CCDC88A: variants seen among roughly 807,000 people sequenced by gnomAD.
CCDC88A encodes the protein coiled-coil and HOOK domain protein 88A.
In CCDC88A, 54 loss-of-function variants were observed where a neutral mutation model predicts 234.3. The ratio of observed to expected loss-of-function variants is 0.23; its 90% CI spans 0.19 to 0.29. CCDC88A has a LOEUF of 0.29. CCDC88A is among the 10% of genes least tolerant of loss of function. The pLI is 1.00. For missense variants in CCDC88A, 1,832 were observed against 2,123.4 expected, an observed-to-expected ratio of 0.86 and a Z score of 2.70; for synonymous variants, 753 against 737.8, an observed-to-expected ratio of 1.02 and a Z score of -0.33.
chr2:55,322,080 A>G (rs1472587972), intron 18 of CCDC88A, among the ~76,000 whole-genome samples: 1 of 152,154 alleles, frequency 6.6e-6, no homozygotes, highest in East Asian at 1.9e-4. Context: ...ATATTTGTTA[A>G]GTGTCTACTA....
At chr2:55,345,182 T>TCC (rs1668944253) in intron 10 of CCDC88A, among the ~76,000 whole-genome samples, 2 of 152,200 alleles carry the variant, frequency 1.3e-5, no homozygotes, top group African/African-American at 4.8e-5. Context: ...AGTCTTTAAA[T>TCC]AACTGGCAAA....
At chr2:55,306,774 C>A (rs1167403279) in intron 25 of CCDC88A, among the ~76,000 whole-genome samples, 1 of 152,092 alleles carries the variant, frequency 6.6e-6, no homozygotes, top group African/African-American at 2.4e-5. Context: ...CGAAGTTTCA[C>A]CATGTTGGCC....
At chr2:55,370,874 T>C (rs1574324073) in intron 5 of CCDC88A, among the ~76,000 whole-genome samples, 2 of 148,892 alleles carry the variant, frequency 1.3e-5, no homozygotes, top group South Asian at 4.2e-4. Flanking sequence ...TAACCAGGCA[T>C]GGTGGCACAT....
chr2:55,342,142 C>T lies in CCDC88A; in HGVS notation c.1333+1506G>A, dbSNP rs1037284018. On this transcript the variant is annotated intron_variant, in intron 12 of 32. Transcript: ENST00000436346. ...AGATAGTTTTAACTTTCCTAAGATA[C>T]GTGGGTTAGAAAATGAGATAGAAAA... is the stretch of plus-strand genomic sequence containing the variant. Among the ~76,000 whole-genome samples the T allele has an allele frequency of 5.9e-5, 9 of 151,902 alleles. No individual in the cohort carries two copies. The South Asian group carries it at 6.2e-4, about 11-fold the overall frequency.
At chr2:55,324,489 G>A (rs910396664) in intron 17 of CCDC88A, among the ~76,000 whole-genome samples, 8 of 152,144 alleles carry the variant, frequency 5.3e-5, no homozygotes, top group East Asian at 3.9e-4. Context: ...GTGTTTCTGA[G>A]TATATTTCTA....
chr2:55,330,808 C>A (rs1283319612), intron 16 of CCDC88A, among the ~76,000 whole-genome samples: 1 of 152,180 alleles, frequency 6.6e-6, no homozygotes, highest in Non-Finnish European at 1.5e-5. Flanking sequence ...CTCTGTGCTT[C>A]CAAATTCATC....
Position 55,398,891 on chromosome 2 carries a change from G to C in CCDC88A, c.165-10005C>G, listed in dbSNP as rs1005508537. 2.0e-5 allele frequency among the ~76,000 whole-genome samples: 3 copies of C among 151,922 alleles called. No individual in the cohort carries two copies. The East Asian group carries it at 5.8e-4, about 29-fold the overall frequency. On this transcript the variant is annotated intron_variant, in intron 2 of 32. Coordinates refer to ENST00000436346, the MANE Select transcript of CCDC88A (RefSeq NM_001365480.1). ...CAAAAAAAAAAAGAAAGAAAGAAAA[G>C]TCCTAAGCTCCACCTCCATGAAAAA...
At chr2:55,383,104 T>C (rs1167407291) in intron 3 of CCDC88A, among the ~76,000 whole-genome samples, 1 of 151,820 alleles carries the variant, frequency 6.6e-6, no homozygotes, top group African/African-American at 2.4e-5. Context: ...AGTACTGACA[T>C]TTAAATTTAC....
chr2:55,339,670 C>A, intron 12 of CCDC88A, 22 bp from the exon 13 acceptor site: 1 of 1,575,082 alleles, frequency 6.3e-7, no homozygotes, highest in South Asian at 1.2e-5. Flanking sequence ...AAAAATACAC[C>A]ATTGTATTTA....
rs1680063912 is a variant in CCDC88A at position 55,296,658 on chromosome 2, T to C, written c.4826-135A>G. 4 of 788,548 alleles carry C rather than the reference T, an allele frequency of 5.1e-6. No homozygotes were observed. In the East Asian group the frequency reaches 1.0e-4, roughly 21 times the overall value. 48.8% of individuals were successfully genotyped at this position (788,548 alleles called of 1,614,324 possible). ...CTTTCAAGCTTTATTTAGAAATGCT[T>C]AGTAAACCATGTCAATCTTTTATCA... On this transcript the variant is annotated intron_variant, in intron 29 of 32. Coordinates refer to ENST00000436346, the MANE Select transcript of CCDC88A (RefSeq NM_001365480.1).
chr2:55,373,139 C>T (rs1283392674), intron 4 of CCDC88A, among the ~76,000 whole-genome samples: 1 of 152,154 alleles, frequency 6.6e-6, no homozygotes, highest in Admixed American at 6.5e-5. Context: ...AAATATTCAA[C>T]TGGAAAAAAA....
chr2:55,412,196 T>C (rs1387892834), intron 2 of CCDC88A, among the ~76,000 whole-genome samples: 1 of 152,192 alleles, frequency 6.6e-6, no homozygotes, highest in Non-Finnish European at 1.5e-5. Context: ...GCTAGTAATA[T>C]GTGAGACAAA....
Position 55,332,530 on chromosome 2 carries a change from A to AAT in CCDC88A, c.2855+35_2855+36insAT. ...CATGTATGAGCAAAAAAAAAAAAAA[A>AAT]TTTTCAACTGTTTGCCAAGTAGACT... On this transcript the variant is annotated intron_variant, in intron 16 of 32. Transcript: ENST00000436346. The surrounding 1 kb of genome is among the most constrained non-coding windows in gnomAD (Gnocchi z 4.5). 1 of 1,549,252 alleles carries AAT rather than the reference A, an allele frequency of 6.5e-7. No individual in the cohort carries two copies. The highest frequency in any genetic ancestry group is 1.4e-5 in the African/African-American group (1 of 69,548).
At chr2:55,326,042 CTCTG>C (rs1249406352) in intron 17 of CCDC88A, among the ~76,000 whole-genome samples, 2 of 152,114 alleles carry the variant, frequency 1.3e-5, no homozygotes, top group South Asian at 2.1e-4. Context: ...ATTTATTAAT[CTCTG>C]TCTTTTAACT....
intron 2 of CCDC88A, among the ~76,000 whole-genome samples, chr2:55,399,949 C>T (rs1678331951): frequency 6.6e-6 from 1 of 152,082 alleles, no homozygotes; most frequent in Non-Finnish European, 1.5e-5. Context: ...AGGTTGAATC[C>T]TGTATTCTAT....
chr2:55,347,103 G>C (rs920422015), intron 9 of CCDC88A, among the ~76,000 whole-genome samples: 3 of 152,102 alleles, frequency 2.0e-5, no homozygotes, highest in Non-Finnish European at 4.4e-5. Context: ...ATTAATTACT[G>C]TATAGAAGTA....
At chr2:55,384,212 A>G (rs1013279896) in intron 3 of CCDC88A, among the ~76,000 whole-genome samples, 1 of 151,312 alleles carries the variant, frequency 6.6e-6, no homozygotes, top group Non-Finnish European at 1.5e-5. Flanking sequence ...ACACATAAAA[A>G]CATAATTTAT....
At chr2:55,298,438 A>G (rs867361426) in intron 29 of CCDC88A, among the ~76,000 whole-genome samples, 3 of 152,188 alleles carry the variant, frequency 2.0e-5, no homozygotes, top group African/African-American at 7.2e-5. Context: ...TAAAAATTAA[A>G]AAAAGAAACC....
chr2:55,386,397 C>G (rs150979429), intron 3 of CCDC88A, among the ~76,000 whole-genome samples: 106 of 151,026 alleles, frequency 7.0e-4, no homozygotes, highest in African/African-American at 2.5e-3. Flanking sequence ...CCCAGACGTT[C>G]AAGACCAGCC....
Sources: allele counts gnomAD v4.1 joint callset (sites outside exome capture counted in the v4.1 genomes callset), GRCh38; gene constraint gnomAD v4.1.1; non-coding constraint Gnocchi (gnomAD v3.1); transcripts MANE v1.5; gene names NCBI Gene and HGNC (gene_info 2026-07-23, HGNC 2026-07-21).